The following YWHAQ variants were observed in gnomAD, a reference collection of about 807,000 sequenced individuals.
YWHAQ encodes tyrosine 3-monooxygenase/tryptophan 5-monooxygenase activation protein theta.
In YWHAQ, 6 loss-of-function variants were observed where a neutral mutation model predicts 28.3. The ratio of observed to expected loss-of-function variants is 0.21; its 90% CI spans 0.12 to 0.42. The LOEUF (loss-of-function observed/expected upper bound fraction) is 0.42. YWHAQ is among the 10% of genes least tolerant of loss of function. The probability of loss-of-function intolerance (pLI) is 1.00; values close to 1 mark genes in which losing one functional copy is unlikely to be tolerated. For synonymous variants in YWHAQ, 143 were observed against 119.1 expected (o/e 1.20, Z -1.31); for missense variants, 201 against 305.6 (o/e 0.66, Z 2.55).
intron 2 of YWHAQ, among the ~76,000 whole-genome samples, chr2:9,621,914 T>C (rs1371325241): frequency 1.3e-5 from 2 of 152,292 alleles, no homozygotes; most frequent in East Asian, 1.9e-4. Flanking sequence ...GAAACCATCA[T>C]TCTCAGCAAA....
rs1397521514 is a variant in YWHAQ at position 9,598,011 on chromosome 2, T to TTTTTTTTTTTTTTTTG, written c.295-6497_295-6496insCAAAAAAAAAAAAAAA. On this transcript the variant is annotated intron_variant, in intron 2 of 5. Coordinates refer to ENST00000238081, the MANE Select transcript of YWHAQ (RefSeq NM_006826.4). The stretch of plus-strand genomic sequence containing the variant: ...TTTTTTTTTTTTTTTTTTTTTTTTT[T>TTTTTTTTTTTTTTTTG]TTAGTAGAGACAAGGTTTCTCCATG... Among the ~76,000 whole-genome samples the TTTTTTTTTTTTTTTTG allele has an allele frequency of 1.2e-4, 17 of 137,212 alleles. 2 individuals carry two copies. Among genetic ancestry groups the TTTTTTTTTTTTTTTTG allele is most frequent in the Non-Finnish European group, 2.2e-4 (14 of 62,518 alleles). The allele number at this position is 137,212 out of a possible 152,430, so 90.0% of individuals were successfully genotyped here. A position where few individuals can be genotyped will look rare whatever the true frequency, so the allele number is the denominator to read the frequency against.
intron 2 of YWHAQ, among the ~76,000 whole-genome samples, chr2:9,597,038 G>C (rs73913143): frequency 0.012 from 1,756 of 152,298 alleles, 35 homozygotes; most frequent in African/African-American, 0.04. Flanking sequence ...GTAATTTGTG[G>C]AACTTTTATA....
chr2:9,602,272 A>T (rs1396428182), intron 2 of YWHAQ, among the ~76,000 whole-genome samples: 1 of 151,360 alleles, frequency 6.6e-6, no homozygotes, highest in African/African-American at 2.4e-5. Context: ...ACCAAAAATT[A>T]AAAAATTAGC....
intron 2 of YWHAQ, among the ~76,000 whole-genome samples, chr2:9,603,790 T>C (rs1418558089): frequency 1.3e-5 from 2 of 151,724 alleles, no homozygotes; most frequent in Non-Finnish European, 2.9e-5. Flanking sequence ...CTGGGCGTGG[T>C]GGTGTACACC....
rs1195802416 is a variant in YWHAQ, at chr2:9,630,654, C to T, written c.-82-120G>A. Reference sequence around the variant, plus strand: ...CGCGGCCGCTTGAATTTCCCTCTCCCCCGCCCCCTCCCCCGCTGGGCACCC... The same window carrying T: ...CGCGGCCGCTTGAATTTCCCTCTCCTCCGCCCCCTCCCCCGCTGGGCACCC... On this transcript the variant is annotated intron_variant, in intron 1 of 5. Coordinates refer to ENST00000238081, the MANE Select transcript of YWHAQ (RefSeq NM_006826.4). This position sits in a 1 kb window ranked among gnomAD's most constrained non-coding sequence, Gnocchi z 5.6. The T allele has an allele frequency of 1.5e-5, 7 of 461,602 alleles. No individual in the cohort carries two copies. Among genetic ancestry groups the T allele is most frequent in the African/African-American group, 1.5e-4 (7 of 48,152 alleles). The allele number at this position is 461,602 out of a possible 1,614,324, so 28.6% of individuals were successfully genotyped here. A position where few individuals can be genotyped will look rare whatever the true frequency, so the allele number is the denominator to read the frequency against.
intron 2 of YWHAQ, among the ~76,000 whole-genome samples, chr2:9,609,408 A>G (rs1666899874): frequency 6.6e-6 from 1 of 152,236 alleles, no homozygotes; most frequent in Non-Finnish European, 1.5e-5. Flanking sequence ...AGACAAAAAA[A>G]GTGGAAAAAT....
chr2:9,621,837 C>A (rs748398929), intron 2 of YWHAQ, among the ~76,000 whole-genome samples: 9 of 152,092 alleles, frequency 5.9e-5, no homozygotes, highest in Admixed American at 2.0e-4. Context: ...CATATATACA[C>A]CATGGAATAC....
intron 2 of YWHAQ, among the ~76,000 whole-genome samples, chr2:9,596,452 AGAG>A (rs1429875135): frequency 6.6e-6 from 1 of 152,240 alleles, no homozygotes; most frequent in Non-Finnish European, 1.5e-5. Flanking sequence ...TATTGAAGAA[AGAG>A]TAGGTAACTG....
At chr2:9,610,498 TG>T (rs984820113) in intron 2 of YWHAQ, among the ~76,000 whole-genome samples, 3 of 152,162 alleles carry the variant, frequency 2.0e-5, no homozygotes, top group African/African-American at 7.2e-5. Context: ...GATGGACCAC[TG>T]GAACTTTAAA....
chr2:9,608,216 TA>T (rs1223901578), intron 2 of YWHAQ, among the ~76,000 whole-genome samples: 1 of 152,048 alleles, frequency 6.6e-6, no homozygotes, highest in Non-Finnish European at 1.5e-5. Context: ...AAATGCTAAG[TA>T]GAAATACTTT....
chr2:9,604,731 G>A (rs1666783665), intron 2 of YWHAQ, among the ~76,000 whole-genome samples: 1 of 152,180 alleles, frequency 6.6e-6, no homozygotes. Flanking sequence ...GTGGATTTCA[G>A]TATTCAAGGA....
chr2:9,624,573 T>C (rs1055128665), intron 2 of YWHAQ, among the ~76,000 whole-genome samples: 4 of 151,942 alleles, frequency 2.6e-5, no homozygotes, highest in African/African-American at 4.8e-5. Context: ...CGCATGATGT[T>C]TAGTAGCATT....
chr2:9,587,365 T>C, intron 5 of YWHAQ, 49 bp downstream of exon 5: 1 of 1,518,922 alleles, frequency 6.6e-7, no homozygotes, highest in African/African-American at 1.4e-5. Context: ...AAAATATAAA[T>C]ACTTTTGTTT....
chr2:9,625,647 C>T (rs79124931), intron 2 of YWHAQ, among the ~76,000 whole-genome samples: 524 of 152,184 alleles, frequency 3.4e-3, no homozygotes, highest in Non-Finnish European at 5.7e-3. Context: ...CCTCATTTTC[C>T]TCAACTCTGA....
intron 2 of YWHAQ, among the ~76,000 whole-genome samples, chr2:9,610,614 T>G (rs1429921700): frequency 6.6e-6 from 1 of 152,160 alleles, no homozygotes; most frequent in Non-Finnish European, 1.5e-5. Context: ...GTTCAAACGA[T>G]TCTCCTGCCT....
Position 9,630,630 on chromosome 2 carries a change from G to A in YWHAQ, c.-82-96C>T, listed in dbSNP as rs1573011407. On this transcript the variant is annotated intron_variant, in intron 1 of 5. Transcript: ENST00000238081. The surrounding 1 kb of genome is among the most constrained non-coding windows in gnomAD (Gnocchi z 5.6). ...CCGCCCGCTTTTGTCTCCCGCACAC[G>A]CGGCCGCTTGAATTTCCCTCTCCCC... 8.6e-6 allele frequency: 5 copies of A among 580,536 alleles called. No homozygotes were observed. The South Asian group carries it at 1.0e-4, about 12-fold the overall frequency. The allele number at this position is 580,536 out of a possible 1,614,324, so 36.0% of individuals were successfully genotyped here. A position where few individuals can be genotyped will look rare whatever the true frequency, so the allele number is the denominator to read the frequency against.
chr2:9,589,704 G>A (rs1008157964), intron 3 of YWHAQ, among the ~76,000 whole-genome samples: 5 of 152,106 alleles, frequency 3.3e-5, no homozygotes, highest in African/African-American at 1.2e-4. Context: ...CTGATTCTTA[G>A]TATCAAGTGG....
Position 9,585,274 on chromosome 2 carries a change from C to T in YWHAQ, c.*12G>A. 6.2e-7 allele frequency: 1 copy of T among 1,613,998 alleles called. No homozygotes were observed. On this transcript the variant is annotated 3_prime_UTR_variant, in exon 6 of 6. Coordinates refer to ENST00000238081, the MANE Select transcript of YWHAQ (RefSeq NM_006826.4). ...TTTCTTGAAGGAAAGAAGGATGACA[C>T]CCTGTATGGATTTAGTTTTCAGCCC...
rs1423446392 is a variant in YWHAQ, at chr2:9,630,159, C to T, written c.294G>A (p.Leu98=). 1 of 1,612,578 alleles carries T rather than the reference C, an allele frequency of 6.2e-7. No individual in the cohort carries two copies. The highest frequency in any genetic ancestry group is 1.1e-5 in the South Asian group (1 of 91,054). Residue 98 remains leucine, a splice_region_variant and synonymous_variant, in exon 2 of 6, where the codon CTG becomes CTA. Coordinates refer to ENST00000238081, the MANE Select transcript of YWHAQ (RefSeq NM_006826.4). The surrounding 1 kb of genome is among the most constrained non-coding windows in gnomAD (Gnocchi z 5.6). The part of the protein sequence containing the change: ...SELRSICTTV[L]ELLDKYLIAN... ...CCTGCTCCCCGCGCCGAGGACTCACCAGCACCGTGGTGCAGATGGATCTCA... is the reference window on the plus strand; with the variant it reads ...CCTGCTCCCCGCGCCGAGGACTCACTAGCACCGTGGTGCAGATGGATCTCA...
Sources: allele counts gnomAD v4.1 joint callset (sites outside exome capture counted in the v4.1 genomes callset), GRCh38; gene constraint gnomAD v4.1.1; non-coding constraint Gnocchi (gnomAD v3.1); transcripts MANE v1.5; gene names NCBI Gene and HGNC (gene_info 2026-07-23, HGNC 2026-07-21).